MYH2: variants seen among roughly 807,000 people sequenced by gnomAD.
MYH2 encodes the protein myosin heavy chain 2.
MYH2 carries 139 observed loss-of-function variants against 228.1 expected under a neutral mutation model. That is an observed-to-expected ratio of 0.61 (90% confidence interval 0.53 to 0.70). The LOEUF (loss-of-function observed/expected upper bound fraction) is 0.70, where lower values mean the gene tolerates loss of function less well. MYH2 is among the 30% of genes least tolerant of loss of function. MYH2 has a pLI of 0.00. For synonymous variants in MYH2, 796 were observed against 871.1 expected (o/e 0.91, Z 1.52); for missense variants, 1,809 against 2,357.5 (o/e 0.77, Z 4.82).
intron 21 of MYH2, 99 bp from the exon 22 acceptor site, chr17:10,531,987 T>A (rs2073430127): frequency 2.7e-6 from 4 of 1,471,680 alleles, no homozygotes; most frequent in South Asian, 1.1e-5. Context: ...TTGTTCCTAC[T>A]CTGCTTTCAA....
chr17:10,540,542 A>T, intron 11 of MYH2, 52 bp downstream of exon 11: 1 of 1,419,186 alleles, frequency 7.0e-7, no homozygotes, highest in Non-Finnish European at 9.9e-7. Flanking sequence ...TATCTGGATC[A>T]CCATTACTCT....
intron 19 of MYH2, among the ~76,000 whole-genome samples, chr17:10,534,053 A>G (rs2073455221): frequency 6.6e-6 from 1 of 152,216 alleles, no homozygotes; most frequent in Non-Finnish European, 1.5e-5. Flanking sequence ...AATCAAACTT[A>G]GACATGCTTT....
intron 30 of MYH2, 63 bp downstream of exon 30, chr17:10,526,536 G>T: frequency 6.2e-7 from 1 of 1,603,630 alleles, no homozygotes. Flanking sequence ...ATCTTCAAAG[G>T]TCATGTCTTT....
At chr17:10,521,849 G>A (rs1288616430) in intron 39 of MYH2, among the ~76,000 whole-genome samples, 1 of 152,038 alleles carries the variant, frequency 6.6e-6, no homozygotes, top group Non-Finnish European at 1.5e-5. Flanking sequence ...ATTTTGTCAT[G>A]TATCATTTTG....
At position 10,529,086 on chromosome 17, in the gene MYH2, A is replaced by G; in HGVS notation, c.3355-7T>C. ...CCAGCTCCTCAATGCGGGCCTGGGA[A>G]TGGTGGAAAATACAAACTCAGCTTC... is the stretch of plus-strand genomic sequence containing the variant. On this transcript the variant is annotated splice_region_variant and splice_polypyrimidine_tract_variant and intron_variant, in intron 26 of 39. Transcript: ENST00000245503. 6.2e-7 allele frequency: 1 copy of G among 1,614,166 alleles called. No individual in the cohort carries two copies. The highest frequency in any genetic ancestry group is 8.5e-7 in the Non-Finnish European group (1 of 1,180,008).
Position 10,533,549 on chromosome 17 carries a change from A to G in MYH2, c.2264T>C (p.Ile755Thr), listed in dbSNP as rs1167250510. ...TTTATACTGGGTGTGGTCAATGTCGATGGATGCAAGGAGCTTCTCAGAGGC... is the reference window on the plus strand; with the variant it reads ...TTTATACTGGGTGTGGTCAATGTCGGTGGATGCAAGGAGCTTCTCAGAGGC... Reference protein sequence around the residue: ...KKASEKLLASIDIDHTQYKFG... With the variant: ...KKASEKLLASTDIDHTQYKFG... The change falls in exon 20 of 40, where the codon ATC (isoleucine) becomes ACC (threonine). Residue 755 changes from isoleucine (I) to threonine (T), a missense_variant. Ile to Thr is a moderately conservative substitution (Grantham distance 89). Coordinates refer to ENST00000245503, the MANE Select transcript of MYH2 (RefSeq NM_017534.6). 6.2e-7 allele frequency: 1 copy of G among 1,614,210 alleles called. No individual in the cohort carries two copies. Among genetic ancestry groups the G allele is most frequent in the Non-Finnish European group, 8.5e-7 (1 of 1,180,018 alleles).
In MYH2 at chr17:10,545,420, C is replaced by T. The variant is rs773318939; in HGVS notation, c.431G>A (p.Arg144Gln). Residue 144 changes from arginine to glutamine, a missense_variant, in exon 5 of 40, where the codon CGA (arginine) becomes CAA (glutamine). Coordinates refer to ENST00000245503, the MANE Select transcript of MYH2 (RefSeq NM_017534.6). Reference sequence around the variant, plus strand: ...CGGGGCCTCCTGGCGCTTTTTGCCTCGGTAGGCTGTCACCACCTCGGGCTT... The same window carrying T: ...CGGGGCCTCCTGGCGCTTTTTGCCTTGGTAGGCTGTCACCACCTCGGGCTT... ...VYKPEVVTAY[R>Q]GKKRQEAPPH... is the part of the protein sequence containing the mutation. 12 of 1,614,020 alleles carry T rather than the reference C, an allele frequency of 7.4e-6. No individual in the cohort carries two copies. The highest frequency in any genetic ancestry group is 6.7e-5 in the Admixed American group (4 of 59,998).
rs1373188968 is a variant in MYH2, at chr17:10,547,768, G to T, written c.153C>A (p.Thr51=). Residue 51 remains threonine, a synonymous_variant, in exon 3 of 40, where the codon ACC becomes ACA. Coordinates refer to ENST00000245503, the MANE Select transcript of MYH2 (RefSeq NM_017534.6). The stretch of plus-strand genomic sequence containing the variant: ...CTTTTCCTCCTTCTCTGCTCTGGAT[G>T]GTCCCTTTGACAAAGGATTCTTTGG... The part of the protein sequence containing the change: ...AEPKESFVKG[T]IQSREGGKVT... The T allele has an allele frequency of 1.2e-6, 2 of 1,614,060 alleles. No homozygotes were observed. The highest frequency in any genetic ancestry group is 1.7e-6 in the Non-Finnish European group (2 of 1,180,040).
rs770151167 is a variant in MYH2 at position 10,537,308 on chromosome 17, C to T, written c.1822G>A (p.Val608Met). 1 of 1,614,206 alleles carries T rather than the reference C, an allele frequency of 6.2e-7. No homozygotes were observed. Among genetic ancestry groups the T allele is most frequent in the Admixed American group, 1.7e-5 (1 of 60,018 alleles). ...EKNKDPLNET[V>M]VGLYQKSAMK... ...GCAGACTTCTGGTACAGTCCAACCA[C>T]GGTCTCATTCAGGGGGTCCTTGTTC... The change falls in exon 16 of 40, where the codon GTG becomes ATG. Residue 608 changes from valine (V) to methionine (M), a missense_variant. Around this residue, in one of 9 missense-constraint regions of MYH2, gnomAD observed 3 missense variants for 17.2 expected, o/e 0.17. Coordinates refer to ENST00000245503, the MANE Select transcript of MYH2 (RefSeq NM_017534.6). The surrounding 1 kb of genome is among the most constrained non-coding windows in gnomAD (Gnocchi z 4.0).
chr17:10,534,579 T>A (rs1434384717), intron 19 of MYH2, among the ~76,000 whole-genome samples: 3 of 152,244 alleles, frequency 2.0e-5, no homozygotes, highest in African/African-American at 7.2e-5. Context: ...ATAAATCCAA[T>A]GAAAATTCCA....
intron 5 of MYH2, among the ~76,000 whole-genome samples, chr17:10,545,031 G>GTGTGTGTGTGTGTGTA (rs1415228141): frequency 7.4e-6 from 1 of 134,598 alleles, no homozygotes; most frequent in African/African-American, 2.6e-5. Context: ...GTGTGTGTGT[G>GTGTGTGTGTGTGTGTA]TATATATACA....
rs756718663 is a variant in MYH2, at chr17:10,529,550, G to A, written c.3117+14C>T. 6.2e-7 allele frequency: 1 copy of A among 1,614,188 alleles called. No homozygotes were observed. Among genetic ancestry groups the A allele is most frequent in the South Asian group, 1.1e-5 (1 of 91,088 alleles). On this transcript the variant is annotated intron_variant, in intron 24 of 39. Coordinates refer to ENST00000245503, the MANE Select transcript of MYH2 (RefSeq NM_017534.6). ...TTTAGAAGAAAAGAATGTCCTTGAT[G>A]ATACCAGACTTACATCATCCACTTG...
chr17:10,536,914 C>T (rs72816773), intron 16 of MYH2, among the ~76,000 whole-genome samples: 6,011 of 152,238 alleles, frequency 0.039, 163 homozygotes, highest in Non-Finnish European at 0.058. Context: ...GGAAGTTTGT[C>T]ACTCTGTTGC....
rs750223323 is a variant in MYH2, at chr17:10,523,880, G to A, written c.5180C>T (p.Thr1727Ile). 5 of 1,613,268 alleles carry A rather than the reference G, an allele frequency of 3.1e-6. No homozygotes were observed. Among genetic ancestry groups the A allele is most frequent in the Non-Finnish European group, 4.2e-6 (5 of 1,179,538 alleles). ...CTTCTTCTTGGTGTTGATCAGGCTG[G>A]TGTTCTGTTTAAAAAGAATTTGTAC... ...ERVQLLHTQN[T>I]SLINTKKKLE... Residue 1727 changes from threonine to isoleucine, a missense_variant, in exon 36 of 40, where the codon ACC becomes ATC. Physicochemically the swap from Thr to Ile is moderately conservative, Grantham distance 89 (BLOSUM62 -1). This residue lies in a region of MYH2 where 278 missense variants were observed against 308.5 expected (regional missense o/e 0.90). Transcript: ENST00000245503.
At chr17:10,536,771 A>T (rs776765948) in intron 16 of MYH2, among the ~76,000 whole-genome samples, 165 bp from the exon 17 acceptor site, 2 of 152,174 alleles carry the variant, frequency 1.3e-5, no homozygotes, top group Non-Finnish European at 2.9e-5. Context: ...GCAGCCACTT[A>T]TCTGTGATTC....
At chr17:10,540,811 T>C (rs1454965855) in intron 10 of MYH2, 114 bp from the exon 11 acceptor site, 5 of 836,164 alleles carry the variant, frequency 6.0e-6, no homozygotes, top group Non-Finnish European at 5.8e-6. Context: ...GGACCCCAAA[T>C]AGAGGGACCG....
At chr17:10,528,011 A>G in intron 27 of MYH2, 137 bp from the exon 28 acceptor site, 1 of 1,054,656 alleles carries the variant, frequency 9.5e-7, no homozygotes, top group Non-Finnish European at 1.3e-6. Flanking sequence ...AAATTATCTT[A>G]TATGTAATGT....
chr17:10,525,838 T>C lies in MYH2; in HGVS notation c.4226A>G (p.His1409Arg). Residue 1409 changes from histidine to arginine, a missense_variant, in exon 31 of 40, where the codon CAT (histidine) becomes CGT (arginine). By Grantham distance (29) the His-to-Arg change is conservative (BLOSUM62 0). This residue lies in a region of MYH2 where 636 missense variants were observed against 729.9 expected (regional missense o/e 0.87). Transcript: ENST00000245503. The surrounding 1 kb of genome is among the most constrained non-coding windows in gnomAD (Gnocchi z 4.2). ...LAQRLQAAEE[H>R]VEAVNAKCAS... Reference sequence around the variant, plus strand: ...ACATTTGGCGTTCACAGCTTCTACATGTTCCTCAGCTGCCTGCAGCCGCTG... The same window carrying C: ...ACATTTGGCGTTCACAGCTTCTACACGTTCCTCAGCTGCCTGCAGCCGCTG... 1 of 1,614,210 alleles carries C rather than the reference T, an allele frequency of 6.2e-7. No homozygotes were observed. Among genetic ancestry groups the C allele is most frequent in the South Asian group, 1.1e-5 (1 of 91,082 alleles).
chr17:10,533,993 A>G (rs935309266), intron 19 of MYH2, among the ~76,000 whole-genome samples: 5 of 152,232 alleles, frequency 3.3e-5, no homozygotes, highest in African/African-American at 9.6e-5. Flanking sequence ...TCATTGAAGA[A>G]TTTGGTAGAC....
Sources: allele counts gnomAD v4.1 joint callset (sites outside exome capture counted in the v4.1 genomes callset), GRCh38; gene constraint gnomAD v4.1.1; regional missense constraint gnomAD v4.1.1; non-coding constraint Gnocchi (gnomAD v3.1); transcripts MANE v1.5; gene names NCBI Gene and HGNC (gene_info 2026-07-23, HGNC 2026-07-21).